Variants in LRRC40 observed in about 807,000 individuals in gnomAD.
LRRC40 encodes the protein leucine rich repeat containing 40, also known as leucine-rich repeat-containing protein 40.
In LRRC40, 76 loss-of-function variants were observed where a neutral mutation model predicts 72.8. The observed-to-expected ratio is 1.04, with a 90% confidence interval of 0.87 to 1.26. The LOEUF (loss-of-function observed/expected upper bound fraction) is 1.26, where lower values mean the gene tolerates loss of function less well. Among genes scored for constraint, LRRC40 ranks in the 50% most tolerant of loss-of-function variants. LRRC40 has a pLI of 0.00. For synonymous variants in LRRC40, 243 were observed against 254.2 expected, an observed-to-expected ratio of 0.96 and a Z score of 0.42; for missense variants, 684 against 698.9, an observed-to-expected ratio of 0.98 and a Z score of 0.24.
chr1:70,204,975 C>G (rs1198191656), intron 1 of LRRC40, among the ~76,000 whole-genome samples: 1 of 151,958 alleles, frequency 6.6e-6, no homozygotes, highest in Non-Finnish European at 1.5e-5. Context: ...TGCAGGTTCA[C>G]AAAGGGGCCG....
At chr1:70,151,484 T>G (rs568535160) in intron 12 of LRRC40, among the ~76,000 whole-genome samples, 68 of 152,254 alleles carry the variant, frequency 4.5e-4, no homozygotes, top group Admixed American at 3.3e-4. Context: ...CACTGTAAAC[T>G]AATTAGCTCC....
chr1:70,178,858 A>G lies in LRRC40; in HGVS notation c.797T>C (p.Leu266Pro). ...RFLPEFPSCS[L>P]LKELHVGENQ... is the part of the protein sequence containing the mutation. ...TAATCAACTAAATAGTACCTTCAAT[A>G]GACTACAAGAAGGAAATTCTGGTAG... The change falls in exon 6 of 15, where the codon CTA becomes CCA. Residue 266 changes from leucine (L) to proline (P), a missense_variant. Leu to Pro is a moderately conservative substitution (Grantham distance 98, BLOSUM62 -3). Transcript: ENST00000370952. 3 of 1,582,756 alleles carry G rather than the reference A, an allele frequency of 1.9e-6. No individual in the cohort carries two copies. Among genetic ancestry groups the G allele is most frequent in the Non-Finnish European group, 2.6e-6 (3 of 1,158,920 alleles).
At chr1:70,201,859 C>T (rs1050408885) in intron 1 of LRRC40, among the ~76,000 whole-genome samples, 2 of 152,070 alleles carry the variant, frequency 1.3e-5, no homozygotes, top group South Asian at 2.1e-4. Flanking sequence ...TCCCTGTAAT[C>T]CCAGCTACTC....
At chr1:70,167,449 G>A (rs555250125) in intron 9 of LRRC40, among the ~76,000 whole-genome samples, 1 of 152,050 alleles carries the variant, frequency 6.6e-6, no homozygotes, top group Non-Finnish European at 1.5e-5. Flanking sequence ...TGTAGTCCCA[G>A]CTACTCAGGA....
chr1:70,175,728 T>C lies in LRRC40; in HGVS notation c.977+82A>G, dbSNP rs1007492382. 5.5e-5 allele frequency: 57 copies of C among 1,036,534 alleles called. No homozygotes were observed. In the Middle Eastern group the frequency reaches 1.5e-3, roughly 28 times the overall value. The allele number at this position is 1,036,534 out of a possible 1,614,324, so 64.2% of individuals were successfully genotyped here. A position where few individuals can be genotyped will look rare whatever the true frequency, so the allele number is the denominator to read the frequency against. On this transcript the variant is annotated intron_variant, in intron 7 of 14. Coordinates refer to ENST00000370952, the MANE Select transcript of LRRC40 (RefSeq NM_017768.5). The stretch of plus-strand genomic sequence containing the variant: ...ATTCAATTTAGAAAAAAGGAACCTC[T>C]TGGTTTTTTAACAAATATTTCAAAT...
At chr1:70,154,389 AT>A (rs1403639511) in intron 11 of LRRC40, among the ~76,000 whole-genome samples, 5 of 152,230 alleles carry the variant, frequency 3.3e-5, no homozygotes, top group African/African-American at 1.2e-4. Context: ...GCAGTAAATA[AT>A]AAGTAATGTC....
intron 1 of LRRC40, among the ~76,000 whole-genome samples, chr1:70,198,089 A>G (rs913136910): frequency 2.6e-5 from 4 of 152,116 alleles, no homozygotes; most frequent in Admixed American, 2.6e-4. Context: ...TTCTGTCCCA[A>G]CAAACTATAC....
Position 70,181,252 on chromosome 1 carries a change from AAAAT to A in LRRC40, c.538-47_538-44del, listed in dbSNP as rs1217357245. 23 of 1,228,226 alleles carry A rather than the reference AAAAT, an allele frequency of 1.9e-5. No individual in the cohort carries two copies. In the Admixed American group the frequency reaches 4.4e-4, roughly 23 times the overall value. 76.1% of individuals were successfully genotyped at this position (1,228,226 alleles called of 1,614,324 possible). ...CAAAATAAATGAATAAACAAGTAAA[AAAAT>A]AAATAAATAATGCCCTAAAAAGGAT... On this transcript the variant is annotated intron_variant, in intron 4 of 14. Transcript: ENST00000370952.
chr1:70,174,491 G>A (rs1046135502), intron 7 of LRRC40, among the ~76,000 whole-genome samples: 1 of 152,018 alleles, frequency 6.6e-6, no homozygotes, highest in Non-Finnish European at 1.5e-5. Context: ...CTTGCACACA[G>A]ATGTTTACAA....
chr1:70,192,072 T>C (rs538568630), intron 1 of LRRC40, among the ~76,000 whole-genome samples: 1 of 152,302 alleles, frequency 6.6e-6, no homozygotes, highest in South Asian at 2.1e-4. Context: ...TATGACCATT[T>C]TAATGATATT....
intron 5 of LRRC40, among the ~76,000 whole-genome samples, chr1:70,179,784 T>C (rs1448088442): frequency 1.3e-5 from 2 of 152,190 alleles, no homozygotes; most frequent in Non-Finnish European, 2.9e-5. Context: ...CTCTTTATAA[T>C]ATCCTTATTG....
chr1:70,184,428 C>A (rs1668315995), intron 4 of LRRC40, among the ~76,000 whole-genome samples: 1 of 151,796 alleles, frequency 6.6e-6, no homozygotes, highest in Non-Finnish European at 1.5e-5. Flanking sequence ...GGCAGAAGGG[C>A]CGCAGGTAAT....
intron 4 of LRRC40, among the ~76,000 whole-genome samples, chr1:70,183,405 T>C (rs1381701343): frequency 6.7e-6 from 1 of 149,768 alleles, no homozygotes; most frequent in East Asian, 2.0e-4. Flanking sequence ...GGTGGTAAAA[T>C]GGAAAAAAAA....
chr1:70,197,252 C>CG (rs369849014), intron 1 of LRRC40, among the ~76,000 whole-genome samples: 4,881 of 16,274 alleles, frequency 0.3, 108 homozygotes, highest in African/African-American at 0.36. Flanking sequence ...TGGGGGGCGG[C>CG]GGGGGGGAGG....
chr1:70,172,394 C>T (rs1288433814), intron 9 of LRRC40, among the ~76,000 whole-genome samples: 1 of 152,142 alleles, frequency 6.6e-6, no homozygotes, highest in South Asian at 2.1e-4. Flanking sequence ...TGGAAGTACA[C>T]CTTTAAAACA....
chr1:70,156,102 A>T (rs1053324765), intron 10 of LRRC40, among the ~76,000 whole-genome samples: 2 of 152,122 alleles, frequency 1.3e-5, no homozygotes, highest in African/African-American at 4.8e-5. Context: ...TAGCAAATGG[A>T]GCCCATTCCT....
rs1668428905 is a variant in LRRC40 at position 70,188,965 on chromosome 1, A to G, written c.333+127T>C. 4.1e-6 allele frequency: 3 copies of G among 731,052 alleles called. No individual in the cohort carries two copies. The South Asian group carries it at 6.1e-5, about 15-fold the overall frequency. 45.3% of individuals were successfully genotyped at this position (731,052 alleles called of 1,614,324 possible). On this transcript the variant is annotated intron_variant, in intron 2 of 14. Coordinates refer to ENST00000370952, the MANE Select transcript of LRRC40 (RefSeq NM_017768.5). ...CACTTTTAACCATTATGCTATGCCT[A>G]GAATGATAATTTACTATCTGTCCTT...
chr1:70,167,125 G>A (rs1483081006), intron 9 of LRRC40, among the ~76,000 whole-genome samples: 1 of 150,966 alleles, frequency 6.6e-6, no homozygotes, highest in East Asian at 1.9e-4. Context: ...TTCTCCTTTT[G>A]TGTAGATTTC....
At chr1:70,175,771 T>A in intron 7 of LRRC40, 39 bp downstream of exon 7, 1 of 1,388,036 alleles carries the variant, frequency 7.2e-7, no homozygotes. Flanking sequence ...TATAACCAAA[T>A]ACAAACACAA....
Sources: allele counts gnomAD v4.1 joint callset (sites outside exome capture counted in the v4.1 genomes callset), GRCh38; gene constraint gnomAD v4.1.1; transcripts MANE v1.5; gene names NCBI Gene and HGNC (gene_info 2026-07-23, HGNC 2026-07-21).